ROBO2: variants seen among roughly 807,000 people sequenced by gnomAD.
The protein encoded by ROBO2 is roundabout guidance receptor 2, also known as roundabout homolog 2.
Under a neutral mutation model 160.8 loss-of-function variants are expected in ROBO2, and 53 were observed. The ratio of observed to expected loss-of-function variants is 0.33; its 90% CI spans 0.26 to 0.41. The LOEUF is 0.41. Ranked by LOEUF, ROBO2 falls within the 10% of genes least tolerant of loss-of-function variation. ROBO2 has a pLI of 1.00. For missense variants in ROBO2, 1,577 were observed against 1,722.4 expected (o/e 0.92, Z 1.49); for synonymous variants, 664 against 611.7 (o/e 1.09, Z -1.26).
chr3:77,020,086 T>A (rs1049236821), intron 2 of ROBO2, among the ~76,000 whole-genome samples: 8 of 152,202 alleles, frequency 5.3e-5, no homozygotes, highest in African/African-American at 1.4e-4. Flanking sequence ...ATATATTTTT[T>A]AAAACTATTA....
chr3:76,681,984 ACGGG>A (rs2092575001), intron 2 of ROBO2, among the ~76,000 whole-genome samples: 1 of 152,150 alleles, frequency 6.6e-6, no homozygotes, highest in Non-Finnish European at 1.5e-5. Flanking sequence ...GAATACATTT[ACGGG>A]AGGTCATATG....
chr3:76,929,919 T>G (rs916160650), intron 2 of ROBO2, among the ~76,000 whole-genome samples: 7 of 152,252 alleles, frequency 4.6e-5, no homozygotes, highest in African/African-American at 1.7e-4. Context: ...TTTCTGACTT[T>G]ATCTTTTACT....
chr3:77,199,506 A>G (rs62251823), intron 2 of ROBO2, among the ~76,000 whole-genome samples: 5,823 of 152,242 alleles, frequency 0.038, 146 homozygotes, highest in African/African-American at 0.064. Context: ...TACAGGTTGA[A>G]AGTCAGTGAT....
chr3:75,914,348 T>C (rs1056254245), intron 1 of ROBO2, among the ~76,000 whole-genome samples: 1 of 152,164 alleles, frequency 6.6e-6, no homozygotes, highest in African/African-American at 2.4e-5. Flanking sequence ...GAAACCCTGG[T>C]TGAGATACAA....
At chr3:76,685,147 T>A (rs912353694) in intron 2 of ROBO2, among the ~76,000 whole-genome samples, 3 of 151,544 alleles carry the variant, frequency 2.0e-5, no homozygotes, top group African/African-American at 7.3e-5. Context: ...ACCCAGCCCT[T>A]TGTCCAGCCA....
chr3:76,277,487 C>T (rs1400255276), intron 2 of ROBO2, among the ~76,000 whole-genome samples: 1 of 151,872 alleles, frequency 6.6e-6, no homozygotes, highest in Non-Finnish European at 1.5e-5. Context: ...GTAGTTTCTC[C>T]AGAGAAGGCA....
intron 2 of ROBO2, among the ~76,000 whole-genome samples, chr3:76,335,268 A>G (rs1356001467): frequency 7.8e-6 from 1 of 127,938 alleles, no homozygotes; most frequent in Non-Finnish European, 1.6e-5. Context: ...GGCAACCTCC[A>G]CTCCTGGGTC....
At chr3:77,189,697 A>C in intron 2 of ROBO2, among the ~76,000 whole-genome samples, 1 of 152,082 alleles carries the variant, frequency 6.6e-6, no homozygotes, top group East Asian at 1.9e-4. Context: ...GTAACAATTT[A>C]ATAAAAATAT....
At chr3:77,186,198 TC>T (rs1248064068) in intron 2 of ROBO2, among the ~76,000 whole-genome samples, 1 of 151,656 alleles carries the variant, frequency 6.6e-6, no homozygotes. Context: ...TTTTTTTAAG[TC>T]AGTGTCATAG....
rs187094711 is a variant in ROBO2 at position 76,045,055 on chromosome 3, C to T, written c.109+107453C>T. On this transcript the variant is annotated intron_variant, in intron 2 of 26. Coordinates refer to the ROBO2 transcript ENST00000487694. Reference sequence around the variant, plus strand: ...ACCACACATAAGGTCTTTAAATGTTCCAGAATTTTGATTTCTTTTATTACC... The same window carrying T: ...ACCACACATAAGGTCTTTAAATGTTTCAGAATTTTGATTTCTTTTATTACC... 1.6e-4 allele frequency among the ~76,000 whole-genome samples: 24 copies of T among 152,084 alleles called. 1 individual carries two copies. Among genetic ancestry groups the T allele is most frequent in the African/African-American group, 5.8e-4 (24 of 41,400 alleles).
chr3:75,994,898 G>A (rs1016149319), intron 2 of ROBO2, among the ~76,000 whole-genome samples: 30 of 152,288 alleles, frequency 2.0e-4, no homozygotes, highest in Admixed American at 5.2e-4. Context: ...CTATCAGATG[G>A]AGATGAGAAA....
chr3:76,389,749 A>G (rs1215872694), intron 2 of ROBO2, among the ~76,000 whole-genome samples: 2 of 152,184 alleles, frequency 1.3e-5, no homozygotes, highest in Admixed American at 6.5e-5. Context: ...TTGGCAATTC[A>G]TCTTTCCACT....
chr3:76,285,628 G>A (rs943333765), intron 2 of ROBO2, among the ~76,000 whole-genome samples: 4 of 152,162 alleles, frequency 2.6e-5, no homozygotes, highest in South Asian at 2.1e-4. Context: ...GAAAAGGCAT[G>A]AAAATAAGAG....
intron 2 of ROBO2, among the ~76,000 whole-genome samples, chr3:76,257,231 T>C (rs1240451090): frequency 1.3e-5 from 2 of 152,182 alleles, no homozygotes; most frequent in Non-Finnish European, 2.9e-5. Context: ...AAATATGCAA[T>C]TGATCAGAAT....
chr3:76,986,806 G>A (rs766051334), intron 2 of ROBO2, among the ~76,000 whole-genome samples: 8 of 152,076 alleles, frequency 5.3e-5, no homozygotes, highest in East Asian at 1.9e-4. Flanking sequence ...TATTACATGC[G>A]TATACATAAT....
chr3:77,026,275 G>A (rs2149528692), intron 2 of ROBO2, among the ~76,000 whole-genome samples: 1 of 152,246 alleles, frequency 6.6e-6, no homozygotes, highest in African/African-American at 2.4e-5. Context: ...ATGCTAGTGT[G>A]CTGTTTGAAT....
chr3:76,071,949 C>T (rs2068469144), intron 2 of ROBO2, among the ~76,000 whole-genome samples: 1 of 151,990 alleles, frequency 6.6e-6, no homozygotes, highest in South Asian at 2.1e-4. Context: ...TTTTGTGGAA[C>T]ACACTTCAAT....
Position 77,024,217 on chromosome 3 carries a change from A to G in ROBO2, c.110-73797A>G, listed in dbSNP as rs920676107. On this transcript the variant is annotated intron_variant, in intron 2 of 26. Coordinates refer to the ROBO2 transcript ENST00000487694. ...TAGAGAAATGTGTGAACATTTCAGC[A>G]TAGAACAGGATTGCTTCAAAAATGT... Among the ~76,000 whole-genome samples, 3 of 152,318 alleles carry G rather than the reference A, an allele frequency of 2.0e-5. No homozygotes were observed. The South Asian group carries it at 6.2e-4, about 32-fold the overall frequency.
rs1428313020 is a variant in ROBO2 at position 76,898,856 on chromosome 3, C to A, written c.110-199158C>A. 1.3e-5 allele frequency among the ~76,000 whole-genome samples: 2 copies of A among 151,992 alleles called. 1 individual carries two copies. Among genetic ancestry groups the A allele is most frequent in the East Asian group, 3.9e-4 (2 of 5,192 alleles). On this transcript the variant is annotated intron_variant, in intron 2 of 26. Coordinates refer to the ROBO2 transcript ENST00000487694. ...TTAAAAATATATGTTCTATTATATG[C>A]AGCATAGAAAGAAAAAGAGTACTTC...
Sources: allele counts gnomAD v4.1 joint callset (sites outside exome capture counted in the v4.1 genomes callset), GRCh38; gene constraint gnomAD v4.1.1; transcripts MANE v1.5; gene names NCBI Gene and HGNC (gene_info 2026-07-23, HGNC 2026-07-21).